SH3PXD2A: variants seen among roughly 807,000 people sequenced by gnomAD.
SH3PXD2A encodes SH3 and PX domains 2A, also known as SH3 and PX domain-containing protein 2A.
SH3PXD2A carries 32 observed loss-of-function variants against 115.2 expected under a neutral mutation model. The ratio of observed to expected loss-of-function variants is 0.28; its 90% CI spans 0.21 to 0.37. The LOEUF is 0.37. Ranked by LOEUF, SH3PXD2A falls within the 10% of genes least tolerant of loss-of-function variation. The probability of loss-of-function intolerance (pLI) is 1.00; values close to 1 mark genes in which losing one functional copy is unlikely to be tolerated. For missense variants in SH3PXD2A, 1,328 were observed against 1,498.7 expected, an observed-to-expected ratio of 0.89 and a Z score of 1.88; for synonymous variants, 610 against 629.1, an observed-to-expected ratio of 0.97 and a Z score of 0.45.
chr10:103,722,687 C>G (rs1479815796), intron 5 of SH3PXD2A, among the ~76,000 whole-genome samples: 1 of 151,614 alleles, frequency 6.6e-6, no homozygotes, highest in East Asian at 1.9e-4. Flanking sequence ...CACTGAGCCA[C>G]TAGGGACCAC....
At chr10:103,817,154 T>C (rs942504154) in intron 1 of SH3PXD2A, among the ~76,000 whole-genome samples, 1 of 151,466 alleles carries the variant, frequency 6.6e-6, no homozygotes, top group Non-Finnish European at 1.5e-5. Context: ...TATTCTTTTT[T>C]TTTTTTAACT....
chr10:103,658,877 T>G lies in SH3PXD2A; in HGVS notation c.604+2106A>C, dbSNP rs544467270. 3.9e-5 allele frequency among the ~76,000 whole-genome samples: 6 copies of G among 152,326 alleles called. No individual in the cohort carries two copies. In the East Asian group the frequency reaches 1.2e-3, roughly 29 times the overall value. On this transcript the variant is annotated intron_variant, in intron 8 of 14. Coordinates refer to ENST00000369774, the MANE Select transcript of SH3PXD2A (RefSeq NM_001394015.1). ...CAGCCACAAGGTCATCTCCATTTTATGGAAGGAATAACTGAAGCCCAGAGA... is the reference window on the plus strand; with the variant it reads ...CAGCCACAAGGTCATCTCCATTTTAGGGAAGGAATAACTGAAGCCCAGAGA...
At chr10:103,692,315 GCC>G (rs1564865236) in intron 6 of SH3PXD2A, among the ~76,000 whole-genome samples, 1 of 148,338 alleles carries the variant, frequency 6.7e-6, no homozygotes, top group Non-Finnish European at 1.5e-5. Context: ...GGGCTGGCCC[GCC>G]TCTCTCCCTG....
intron 5 of SH3PXD2A, among the ~76,000 whole-genome samples, chr10:103,701,705 TC>T (rs1430759091): frequency 2.2e-5 from 3 of 138,700 alleles, no homozygotes; most frequent in East Asian, 5.0e-4. Flanking sequence ...CAGCCATCCA[TC>T]CATCCATCAT....
In SH3PXD2A at chr10:103,599,718, A is replaced by C; in HGVS notation, c.*2098T>G. 6.6e-6 allele frequency: 1 copy of C among 152,668 alleles called. No homozygotes were observed. Among genetic ancestry groups the C allele is most frequent in the East Asian group, 1.9e-4 (1 of 5,202 alleles). 9.5% of individuals were successfully genotyped at this position (152,668 alleles called of 1,614,324 possible). ...CTTCTTTATCATTATTGTTCAAATA[A>C]GTACAAATAATATTAACATGAAGAC... is the stretch of plus-strand genomic sequence containing the variant. On this transcript the variant is annotated 3_prime_UTR_variant, in exon 15 of 15. Coordinates refer to ENST00000369774, the MANE Select transcript of SH3PXD2A (RefSeq NM_001394015.1).
rs550497990 is a variant in SH3PXD2A, at chr10:103,598,444, C to T, written c.*3372G>A. 1.1e-4 allele frequency: 17 copies of T among 152,666 alleles called. No homozygotes were observed. The East Asian group carries it at 2.7e-3, about 24-fold the overall frequency. The allele number at this position is 152,666 out of a possible 1,614,324, so 9.5% of individuals were successfully genotyped here. On this transcript the variant is annotated 3_prime_UTR_variant, in exon 15 of 15. Coordinates refer to ENST00000369774, the MANE Select transcript of SH3PXD2A (RefSeq NM_001394015.1). ...GCAATAAAAGAAAAAGGTCTTGAAA[C>T]GGAAAGGAAAACAAAGCACCAAATG... is the stretch of plus-strand genomic sequence containing the variant.
intron 13 of SH3PXD2A, among the ~76,000 whole-genome samples, chr10:103,607,613 G>A (rs556081140): frequency 5.9e-4 from 90 of 152,264 alleles, no homozygotes; most frequent in African/African-American, 2.0e-3. Context: ...GGGCAGTGAG[G>A]AGCCCCTCTG....
intron 5 of SH3PXD2A, among the ~76,000 whole-genome samples, chr10:103,701,568 C>A (rs1424043835): frequency 1.3e-5 from 2 of 148,448 alleles, no homozygotes; most frequent in Non-Finnish European, 3.0e-5. Context: ...ATCATCTATC[C>A]ATTCATCCAT....
chr10:103,851,560 T>A (rs547612738), intron 1 of SH3PXD2A, among the ~76,000 whole-genome samples: 2 of 152,312 alleles, frequency 1.3e-5, no homozygotes, highest in East Asian at 3.9e-4. Flanking sequence ...CTGACCTGCA[T>A]TGCCCTAGCT....
chr10:103,733,207 C>A (rs905429309), intron 4 of SH3PXD2A, among the ~76,000 whole-genome samples: 5 of 152,170 alleles, frequency 3.3e-5, no homozygotes, highest in Non-Finnish European at 7.3e-5. Flanking sequence ...GCAGACCCCA[C>A]TTCAATGGCT....
At chr10:103,834,869 C>T (rs191528922) in intron 1 of SH3PXD2A, among the ~76,000 whole-genome samples, 6 of 152,344 alleles carry the variant, frequency 3.9e-5, no homozygotes, top group East Asian at 1.9e-4. Flanking sequence ...CTATGTGGGC[C>T]GCTACAACCT....
chr10:103,737,533 A>G (rs1487374474), intron 3 of SH3PXD2A, among the ~76,000 whole-genome samples: 2 of 152,194 alleles, frequency 1.3e-5, no homozygotes, highest in African/African-American at 4.8e-5. Context: ...AGGGAGGGGA[A>G]GGAAGTGTTA....
At chr10:103,643,919 G>A (rs1468718278) in intron 8 of SH3PXD2A, among the ~76,000 whole-genome samples, 1 of 151,382 alleles carries the variant, frequency 6.6e-6, no homozygotes, top group Non-Finnish European at 1.5e-5. Context: ...AGACTATCCT[G>A]GCTAACAGGG....
At chr10:103,771,865 T>C (rs2038826347) in intron 2 of SH3PXD2A, among the ~76,000 whole-genome samples, 1 of 152,146 alleles carries the variant, frequency 6.6e-6, no homozygotes, top group Non-Finnish European at 1.5e-5. Flanking sequence ...TGGCAAGTTC[T>C]GATTCAGCAG....
intron 6 of SH3PXD2A, among the ~76,000 whole-genome samples, chr10:103,677,899 C>T (rs1442175388): frequency 6.6e-6 from 1 of 152,120 alleles, no homozygotes; most frequent in Admixed American, 6.5e-5. Flanking sequence ...CCTCTTGATA[C>T]CCACGGCTCT....
chr10:103,619,835 A>G (rs2036576584), intron 10 of SH3PXD2A, among the ~76,000 whole-genome samples: 1 of 152,162 alleles, frequency 6.6e-6, no homozygotes, highest in South Asian at 2.1e-4. Flanking sequence ...GAGCTCCTGG[A>G]TGGGAGGCTC....
chr10:103,820,127 T>A (rs1279492404), intron 1 of SH3PXD2A, among the ~76,000 whole-genome samples: 1 of 152,158 alleles, frequency 6.6e-6, no homozygotes, highest in Admixed American at 6.5e-5. Flanking sequence ...AATGACTTTG[T>A]TTCACGCTCA....
chr10:103,811,658 T>C (rs2039272474), intron 1 of SH3PXD2A, among the ~76,000 whole-genome samples: 1 of 152,204 alleles, frequency 6.6e-6, no homozygotes, highest in African/African-American at 2.4e-5. Context: ...GCCACAAGAT[T>C]TGCCTTGGTG....
rs1035310637 is a variant in SH3PXD2A at position 103,601,683 on chromosome 10, A to G, written c.*133T>C. 2.3e-6 allele frequency: 1 copy of G among 440,008 alleles called. No individual in the cohort carries two copies. The highest frequency in any genetic ancestry group is 4.3e-6 in the Non-Finnish European group (1 of 231,870). 27.3% of individuals were successfully genotyped at this position (440,008 alleles called of 1,614,324 possible). On this transcript the variant is annotated 3_prime_UTR_variant, in exon 15 of 15. Transcript: ENST00000369774. ...ACAGGGGGCATCTTTGAGGTCACCC[A>G]TTCTGCAGTGTTGAATGTTGTCCAC... is the stretch of plus-strand genomic sequence containing the variant.
Sources: allele counts gnomAD v4.1 joint callset (sites outside exome capture counted in the v4.1 genomes callset), GRCh38; gene constraint gnomAD v4.1.1; transcripts MANE v1.5; gene names NCBI Gene and HGNC (gene_info 2026-07-23, HGNC 2026-07-21).